The following FHIP1A variants were observed in gnomAD, a reference collection of about 807,000 sequenced individuals.
FHIP1A encodes FHF complex subunit HOOK-interacting protein 1A.
In FHIP1A, 61 loss-of-function variants were observed where a neutral mutation model predicts 88.6. The observed-to-expected ratio is 0.69, with a 90% CI of 0.56 to 0.85. The LOEUF (loss-of-function observed/expected upper bound fraction) is 0.85. FHIP1A is among the 40% of genes least tolerant of loss of function. The pLI, the probability that FHIP1A is intolerant of heterozygous loss-of-function variation, is 0.00. For synonymous variants in FHIP1A, 478 were observed against 496.0 expected (o/e 0.96, Z 0.48); for missense variants, 1,154 against 1,273.5 (o/e 0.91, Z 1.43).
chr4:151,524,506 C>T (rs1002150216), intron 3 of FHIP1A, among the ~76,000 whole-genome samples: 15 of 152,078 alleles, frequency 9.9e-5, no homozygotes, highest in Non-Finnish European at 2.1e-4. Flanking sequence ...CTCCAAGATT[C>T]CTCTTCTTTA....
At chr4:151,563,952 C>T (rs1733278346) in intron 3 of FHIP1A, among the ~76,000 whole-genome samples, 1 of 142,308 alleles carries the variant, frequency 7.0e-6, no homozygotes, top group South Asian at 2.2e-4. Context: ...ATGATGGCTT[C>T]TGCACTCCAG....
chr4:151,496,848 CA>C (rs1730482206), intron 3 of FHIP1A, among the ~76,000 whole-genome samples: 3 of 151,516 alleles, frequency 2.0e-5, no homozygotes, highest in Admixed American at 1.3e-4. Context: ...AGGTGTGAGC[CA>C]CTGCCCTTGG....
intron 5 of FHIP1A, among the ~76,000 whole-genome samples, chr4:151,585,597 C>CA (rs1287935923): frequency 3.3e-5 from 5 of 152,148 alleles, no homozygotes; most frequent in Non-Finnish European, 7.3e-5. Flanking sequence ...GGGAGGCCTC[C>CA]AGTACTATGA....
intron 2 of FHIP1A, among the ~76,000 whole-genome samples, chr4:151,458,431 C>T (rs1264673943): frequency 6.6e-6 from 1 of 151,992 alleles, no homozygotes; most frequent in African/African-American, 2.4e-5. Context: ...AAGTCTTCAC[C>T]AGGTACTTTG....
At chr4:151,657,488 GT>G (rs1309265380) in intron 13 of FHIP1A, among the ~76,000 whole-genome samples, 3 of 152,108 alleles carry the variant, frequency 2.0e-5, no homozygotes, top group Non-Finnish European at 4.4e-5. Flanking sequence ...AGGAGTGGGG[GT>G]GGGGGCATGG....
intron 1 of FHIP1A, among the ~76,000 whole-genome samples, chr4:151,411,003 G>A (rs557918261): frequency 9.2e-5 from 14 of 152,348 alleles, no homozygotes; most frequent in African/African-American, 3.4e-4. Flanking sequence ...TGGATTCAGA[G>A]AGTGATTGAG....
At chr4:151,534,015 T>A (rs1731977632) in intron 3 of FHIP1A, among the ~76,000 whole-genome samples, 1 of 152,204 alleles carries the variant, frequency 6.6e-6, no homozygotes, top group South Asian at 2.1e-4. Flanking sequence ...TATCTGTAAA[T>A]GAAGTATATT....
intron 7 of FHIP1A, among the ~76,000 whole-genome samples, chr4:151,596,461 C>T (rs1489722575): frequency 6.6e-6 from 1 of 152,046 alleles, no homozygotes. Context: ...ACATTTTTTT[C>T]CTTCATTTCA....
rs1219999380 is a variant in FHIP1A, at chr4:151,669,932, C to T, written c.*7178C>T. On this transcript the variant is annotated 3_prime_UTR_variant, in exon 14 of 14. Transcript: ENST00000435205. ...ACTGTGCAAGCCAGGAAGCATGAGT[C>T]GCTGAATTGGTGATGGAGGGGTGTC... is the stretch of plus-strand genomic sequence containing the variant. 6.6e-6 allele frequency: 1 copy of T among 152,100 alleles called. No individual in the cohort carries two copies. Among genetic ancestry groups the T allele is most frequent in the African/African-American group, 2.4e-5 (1 of 41,410 alleles). The allele number at this position is 152,100 out of a possible 1,614,324, so 9.4% of individuals were successfully genotyped here. A position where few individuals can be genotyped will look rare whatever the true frequency, so the allele number is the denominator to read the frequency against.
chr4:151,607,270 ATCAG>A (rs1735109565), intron 7 of FHIP1A, among the ~76,000 whole-genome samples: 1 of 152,206 alleles, frequency 6.6e-6, no homozygotes, highest in South Asian at 2.1e-4. Context: ...CATCACTATA[ATCAG>A]TCAGTAAACA....
At chr4:151,424,895 C>T (rs181459211) in intron 1 of FHIP1A, among the ~76,000 whole-genome samples, 7 of 150,936 alleles carry the variant, frequency 4.6e-5, no homozygotes, top group South Asian at 2.1e-4. Context: ...AGTTAATAAA[C>T]GCAAAATGAG....
chr4:151,428,916 A>G (rs1342128642), intron 1 of FHIP1A, among the ~76,000 whole-genome samples: 2 of 152,120 alleles, frequency 1.3e-5, no homozygotes, highest in Non-Finnish European at 2.9e-5. Flanking sequence ...CTCAGGCTCC[A>G]TTTCCTTAGG....
chr4:151,480,175 A>C (rs1384351200), intron 2 of FHIP1A, among the ~76,000 whole-genome samples: 1 of 152,074 alleles, frequency 6.6e-6, no homozygotes, highest in Non-Finnish European at 1.5e-5. Flanking sequence ...CATTCTGTGC[A>C]TTACTGTCAA....
At chr4:151,573,264 G>A (rs2126783489) in intron 4 of FHIP1A, among the ~76,000 whole-genome samples, 1 of 150,238 alleles carries the variant, frequency 6.7e-6, no homozygotes, top group East Asian at 1.9e-4. Flanking sequence ...GGCTAATGAT[G>A]CATCCAAACA....
intron 3 of FHIP1A, among the ~76,000 whole-genome samples, chr4:151,561,719 A>G (rs1322317611): frequency 1.3e-5 from 2 of 152,150 alleles, no homozygotes; most frequent in South Asian, 2.1e-4. Context: ...TTCTCAAACA[A>G]TGAATTTTTC....
rs543429555 is a variant in FHIP1A, at chr4:151,519,939, A to G, written c.-123+37291A>G. ...AAGTGTCTAGTTACATCTTTTTTCT[A>G]TTTATAAACTGGGTTGAGCTGTTAA... On this transcript the variant is annotated intron_variant, in intron 3 of 13. Transcript: ENST00000435205. 1.1e-3 allele frequency among the ~76,000 whole-genome samples: 168 copies of G among 152,018 alleles called. 2 individuals are homozygous for G. In the South Asian group the frequency reaches 0.033, roughly 29 times the overall value.
Position 151,662,612 on chromosome 4 carries a change from C to T in FHIP1A, c.2981C>T (p.Pro994Leu). 1.3e-6 allele frequency: 2 copies of T among 1,551,666 alleles called. No individual in the cohort carries two copies. Among genetic ancestry groups the T allele is most frequent in the South Asian group, 1.2e-5 (1 of 84,046 alleles). ...AGAACCAAGGTGGCTGAGGCACCCC[C>T]CAACCTGCCCCTGCCGGTGAGGAAC... is the stretch of plus-strand genomic sequence containing the variant. ...THRTKVAEAPPNLPLPVRNPM... is the reference protein window; with the variant it reads ...THRTKVAEAPLNLPLPVRNPM... The change falls in exon 14 of 14, where the codon CCC becomes CTC. Residue 994 changes from proline to leucine, a missense_variant. Transcript: ENST00000435205.
chr4:151,616,034 T>C (rs1280700154), intron 7 of FHIP1A, among the ~76,000 whole-genome samples: 2 of 152,200 alleles, frequency 1.3e-5, no homozygotes, highest in African/African-American at 2.4e-5. Flanking sequence ...TGAGTTTGTC[T>C]TGGTGTCCCT....
At chr4:151,515,826 C>T (rs1018000993) in intron 3 of FHIP1A, among the ~76,000 whole-genome samples, 6 of 152,096 alleles carry the variant, frequency 3.9e-5, no homozygotes, top group African/African-American at 1.2e-4. Flanking sequence ...AAGAACATTC[C>T]ATACTCATGG....
Sources: allele counts gnomAD v4.1 joint callset (sites outside exome capture counted in the v4.1 genomes callset), GRCh38; gene constraint gnomAD v4.1.1; transcripts MANE v1.5; gene names NCBI Gene and HGNC (gene_info 2026-07-23, HGNC 2026-07-21).